DTNB: variants seen among roughly 807,000 people sequenced by gnomAD.
The protein encoded by DTNB is DTN-B.
Under a neutral mutation model 90.7 loss-of-function variants are expected in DTNB, and 63 were observed. The observed-to-expected ratio is 0.69, with a 90% CI of 0.57 to 0.86. DTNB has a LOEUF of 0.86. Among genes scored for constraint, DTNB ranks in the 40% least tolerant of loss-of-function variants. The probability of loss-of-function intolerance (pLI) is 0.00; values close to 1 mark genes in which losing one functional copy is unlikely to be tolerated. For missense variants in DTNB, 744 were observed against 807.1 expected, an observed-to-expected ratio of 0.92 and a Z score of 0.95; for synonymous variants, 277 against 286.7, an observed-to-expected ratio of 0.97 and a Z score of 0.34.
intron 6 of DTNB, among the ~76,000 whole-genome samples, chr2:25,583,615 T>C (rs1459175566): frequency 6.6e-6 from 1 of 151,778 alleles, no homozygotes; most frequent in Admixed American, 6.6e-5. Context: ...TCCGACTCCC[T>C]GGTTCAAGCA....
intron 10 of DTNB, 69 bp from the exon 11 acceptor site, chr2:25,455,563 T>C: frequency 7.5e-7 from 1 of 1,341,938 alleles, no homozygotes; most frequent in Non-Finnish European, 1.0e-6. Flanking sequence ...TGAACATGGA[T>C]TAAAATGAGC....
chr2:25,521,931 C>T (rs982113741), intron 9 of DTNB, among the ~76,000 whole-genome samples: 2 of 152,126 alleles, frequency 1.3e-5, no homozygotes, highest in African/African-American at 4.8e-5. Context: ...TAAGCCAACA[C>T]GTGAAGTTTT....
At chr2:25,492,859 A>G (rs995297342) in intron 9 of DTNB, among the ~76,000 whole-genome samples, 10 of 152,104 alleles carry the variant, frequency 6.6e-5, no homozygotes, top group Non-Finnish European at 1.2e-4. Flanking sequence ...CCAAAAAAAA[A>G]AGGAGGAAAT....
rs1467836986 is a variant in DTNB, at chr2:25,387,535, CG to C, written c.1736-158del. On this transcript the variant is annotated intron_variant, in intron 17 of 20. Coordinates refer to ENST00000406818, the MANE Select transcript of DTNB (RefSeq NM_021907.5). The surrounding 1 kb of genome is among the most constrained non-coding windows in gnomAD (Gnocchi z 4.5). ...CAGCTCCACCCATTCCCAGGCACAC[CG>C]GGGGCAGGAGGCACCAGCCCACTGG... Among the ~76,000 whole-genome samples, 2 of 152,146 alleles carry C rather than the reference CG, an allele frequency of 1.3e-5. No homozygotes were observed. Among genetic ancestry groups the C allele is most frequent in the African/African-American group, 2.4e-5 (1 of 41,420 alleles).
At chr2:25,407,774 G>C (rs548563339) in intron 16 of DTNB, among the ~76,000 whole-genome samples, 1 of 152,296 alleles carries the variant, frequency 6.6e-6, no homozygotes, top group Non-Finnish European at 1.5e-5. Context: ...CCTCAGAAGG[G>C]AGAGGTTGGG....
intron 8 of DTNB, among the ~76,000 whole-genome samples, 173 bp from the exon 9 acceptor site, chr2:25,531,770 G>A (rs1328234189): frequency 6.6e-6 from 1 of 152,152 alleles, no homozygotes; most frequent in Non-Finnish European, 1.5e-5. Context: ...GTTGTTCCAA[G>A]GTCATCTGTG....
At chr2:25,600,027 G>C (rs1276250916) in intron 5 of DTNB, among the ~76,000 whole-genome samples, 2 of 152,222 alleles carry the variant, frequency 1.3e-5, no homozygotes, top group Non-Finnish European at 2.9e-5. Context: ...GAGTGCAGAA[G>C]TTGGGGGCTG....
chr2:25,447,944 T>C (rs7566839), intron 12 of DTNB, among the ~76,000 whole-genome samples: 133,712 of 152,222 alleles, frequency 0.88, 59,098 homozygotes, highest in Non-Finnish European at 0.92. Flanking sequence ...CAATTGACAT[T>C]CAAGCACAGG....
intron 2 of DTNB, among the ~76,000 whole-genome samples, chr2:25,639,487 C>T (rs56352072): frequency 0.037 from 4,059 of 109,222 alleles, 75 homozygotes; most frequent in East Asian, 0.1. Flanking sequence ...TGGCCATGCC[C>T]CGTGGCTGTG....
chr2:25,453,236 G>C (rs2059534566), intron 11 of DTNB, among the ~76,000 whole-genome samples: 1 of 152,074 alleles, frequency 6.6e-6, no homozygotes, highest in African/African-American at 2.4e-5. Flanking sequence ...GATCCTATTT[G>C]TCATTTATAC....
chr2:25,665,777 A>T (rs1251443921), intron 1 of DTNB, among the ~76,000 whole-genome samples: 134 of 33,602 alleles, frequency 4.0e-3, no homozygotes, highest in African/African-American at 0.011. Flanking sequence ...TTTCAGATTT[A>T]AAAAAAAAAA....
chr2:25,419,680 G>A (rs1476615037), intron 15 of DTNB, 145 bp from the exon 16 acceptor site: 9 of 1,045,656 alleles, frequency 8.6e-6, no homozygotes, highest in African/African-American at 1.6e-5. Context: ...GAGATCAAAG[G>A]CCCCATCCCC....
rs147721195 is a variant in DTNB at position 25,470,891 on chromosome 2, TA to T, written c.1079+11904del. Reference sequence around the variant, plus strand: ...TTAAGTTCCTTTTCTCCTCTGTCACTAAAAAAAAATACACAATGTCAAGGCA... The same window carrying T: ...TTAAGTTCCTTTTCTCCTCTGTCACTAAAAAAAATACACAATGTCAAGGCA... On this transcript the variant is annotated intron_variant, in intron 10 of 20. Transcript: ENST00000406818. Among the ~76,000 whole-genome samples, 13 of 150,072 alleles carry T rather than the reference TA, an allele frequency of 8.7e-5. No individual in the cohort carries two copies. In the East Asian group the frequency reaches 1.9e-3, roughly 22 times the overall value.
At chr2:25,384,244 G>A (rs977542476) in intron 18 of DTNB, among the ~76,000 whole-genome samples, 12 of 152,252 alleles carry the variant, frequency 7.9e-5, no homozygotes, top group South Asian at 6.2e-4. Context: ...TCAGGTTTAA[G>A]AAAGTGACCA....
rs2149102143 is a variant in DTNB, at chr2:25,673,376, A to T, written c.-2+10T>A. 2 of 151,078 alleles carry T rather than the reference A, an allele frequency of 1.3e-5. No homozygotes were observed. The allele number at this position is 151,078 out of a possible 1,614,324, so 9.4% of individuals were successfully genotyped here. Reference sequence around the variant, plus strand: ...TCCCCACAGCCCCGGCGGCGGCCGCAGACCCCCACCTTGCTCACTTCCCCG... The same window carrying T: ...TCCCCACAGCCCCGGCGGCGGCCGCTGACCCCCACCTTGCTCACTTCCCCG... On this transcript the variant is annotated intron_variant, in intron 1 of 20. Coordinates refer to ENST00000406818, the MANE Select transcript of DTNB (RefSeq NM_021907.5).
intron 8 of DTNB, among the ~76,000 whole-genome samples, chr2:25,568,792 C>T (rs1189460112): frequency 2.0e-5 from 3 of 152,238 alleles, no homozygotes; most frequent in Non-Finnish European, 4.4e-5. Flanking sequence ...GACCCTCCCA[C>T]AACCATCACC....
chr2:25,409,887 C>T (rs1189297483), intron 16 of DTNB, among the ~76,000 whole-genome samples: 1 of 152,194 alleles, frequency 6.6e-6, no homozygotes, highest in Non-Finnish European at 1.5e-5. Context: ...TTCAGTTGCG[C>T]ATGTCCAAAT....
chr2:25,593,421 T>C (rs2063936450), intron 6 of DTNB, among the ~76,000 whole-genome samples: 1 of 152,246 alleles, frequency 6.6e-6, no homozygotes, highest in Non-Finnish European at 1.5e-5. Context: ...ATTTAACTCT[T>C]GCAGCATGAA....
intron 8 of DTNB, among the ~76,000 whole-genome samples, chr2:25,551,338 C>A (rs548925464): frequency 6.6e-6 from 1 of 152,204 alleles, no homozygotes; most frequent in Non-Finnish European, 1.5e-5. Flanking sequence ...GGGTATAAAT[C>A]TGCTTTTGAT....
Sources: allele counts gnomAD v4.1 joint callset (sites outside exome capture counted in the v4.1 genomes callset), GRCh38; gene constraint gnomAD v4.1.1; non-coding constraint Gnocchi (gnomAD v3.1); transcripts MANE v1.5; gene names NCBI Gene and HGNC (gene_info 2026-07-23, HGNC 2026-07-21).